Variants in SLC35F1 observed in about 807,000 individuals in gnomAD.
SLC35F1 encodes solute carrier family 35 member F1, also known as chromosome 6 open reading frame 169.
SLC35F1 carries 14 observed loss-of-function variants against 48.7 expected under a neutral mutation model. That is an observed-to-expected ratio of 0.29 (90% confidence interval 0.19 to 0.45). The LOEUF is 0.45. Among genes scored for constraint, SLC35F1 ranks in the 20% least tolerant of loss-of-function variants. The pLI is 1.00. For missense variants in SLC35F1, 404 were observed against 500.0 expected (o/e 0.81, Z 1.83); for synonymous variants, 190 against 202.2 (o/e 0.94, Z 0.51).
chr6:118,009,633 A>G (rs1777219480), intron 1 of SLC35F1, among the ~76,000 whole-genome samples: 1 of 152,058 alleles, frequency 6.6e-6, no homozygotes, highest in South Asian at 2.1e-4. Flanking sequence ...TACACATCCA[A>G]TCATCTTTTG....
intron 7 of SLC35F1, 131 bp from the exon 8 acceptor site, chr6:118,313,897 A>G: frequency 2.6e-6 from 2 of 756,562 alleles, no homozygotes; most frequent in Non-Finnish European, 2.2e-6. Context: ...TTCTCCATCA[A>G]CGGTGTTGGC....
chr6:117,907,523 A>C lies in SLC35F1; in HGVS notation c.-204A>C. ...GCGGCACGGGCGCGAGGGTGCGCGC[A>C]CTGGGACTGGAGAGGAGTGAGTGGC... is the stretch of plus-strand genomic sequence containing the variant. On this transcript the variant is annotated 5_prime_UTR_variant, in exon 1 of 8. Coordinates refer to ENST00000360388, the MANE Select transcript of SLC35F1 (RefSeq NM_001029858.4). 1 of 289,186 alleles carries C rather than the reference A, an allele frequency of 3.5e-6. No individual in the cohort carries two copies. The allele number at this position is 289,186 out of a possible 1,614,324, so 17.9% of individuals were successfully genotyped here.
chr6:118,246,597 G>A lies in SLC35F1; in HGVS notation c.477+10961G>A, dbSNP rs186822161. 6.0e-4 allele frequency among the ~76,000 whole-genome samples: 92 copies of A among 152,152 alleles called. No homozygotes were observed. In the South Asian group the frequency reaches 0.012, roughly 19 times the overall value. On this transcript the variant is annotated intron_variant, in intron 3 of 7. Coordinates refer to ENST00000360388, the MANE Select transcript of SLC35F1 (RefSeq NM_001029858.4). ...CATGAATCTGACGATAAAGCAGGCC[G>A]CTTGGTTCTCTGGTCATTTTCAGCT... is the stretch of plus-strand genomic sequence containing the variant.
Position 118,200,097 on chromosome 6 carries a change from A to G in SLC35F1, c.350-35412A>G, listed in dbSNP as rs537374534. ...TACCAAATTGCCCTTCAGAGAGATT[A>G]TACCATTCACACTCTCACCAGCAGC... On this transcript the variant is annotated intron_variant, in intron 2 of 7. Coordinates refer to ENST00000360388, the MANE Select transcript of SLC35F1 (RefSeq NM_001029858.4). Among the ~76,000 whole-genome samples the G allele has an allele frequency of 3.0e-4, 45 of 152,240 alleles. No homozygotes were observed. In the South Asian group the frequency reaches 8.1e-3, roughly 27 times the overall value.
intron 1 of SLC35F1, among the ~76,000 whole-genome samples, chr6:118,003,459 C>G (rs1197230212): frequency 1.3e-5 from 2 of 152,126 alleles, no homozygotes; most frequent in Admixed American, 1.3e-4. Flanking sequence ...TCGGATGGGT[C>G]ACATCAATGA....
At chr6:118,234,842 A>G (rs2114582516) in intron 2 of SLC35F1, among the ~76,000 whole-genome samples, 1 of 151,570 alleles carries the variant, frequency 6.6e-6, no homozygotes, top group South Asian at 2.1e-4. Context: ...AAAAATAAGA[A>G]TGAAGAACTA....
At chr6:117,980,893 T>C (rs1450993790) in intron 1 of SLC35F1, among the ~76,000 whole-genome samples, 1 of 152,116 alleles carries the variant, frequency 6.6e-6, no homozygotes, top group Non-Finnish European at 1.5e-5. Flanking sequence ...TTTAGAGTTA[T>C]CCTGTGGCAA....
chr6:118,232,780 A>G (rs1775310808), intron 2 of SLC35F1, among the ~76,000 whole-genome samples: 1 of 152,070 alleles, frequency 6.6e-6, no homozygotes. Context: ...TTTGGTATGA[A>G]GAGTCTTCAC....
At chr6:118,239,082 C>A (rs1775403775) in intron 3 of SLC35F1, among the ~76,000 whole-genome samples, 1 of 151,604 alleles carries the variant, frequency 6.6e-6, no homozygotes, top group South Asian at 2.1e-4. Flanking sequence ...TCTCTCGTCT[C>A]CCGAGGTGCT....
intron 1 of SLC35F1, among the ~76,000 whole-genome samples, chr6:118,085,572 A>G (rs1380578870): frequency 8.1e-6 from 1 of 123,108 alleles, no homozygotes. Context: ...ATCTTGGCTC[A>G]CTGCAACCTT....
chr6:118,218,041 A>G (rs1351040495), intron 2 of SLC35F1, among the ~76,000 whole-genome samples: 2 of 152,192 alleles, frequency 1.3e-5, no homozygotes, highest in Non-Finnish European at 1.5e-5. Context: ...CCTGATCTTC[A>G]TTCCAAAGTA....
At chr6:117,930,998 C>T (rs79320755) in intron 1 of SLC35F1, among the ~76,000 whole-genome samples, 2,185 of 152,144 alleles carry the variant, frequency 0.014, 44 homozygotes, top group African/African-American at 0.047. Flanking sequence ...GCCTCTATAC[C>T]CTTATCTGTC....
chr6:118,133,016 G>T (rs1773739022), intron 1 of SLC35F1, among the ~76,000 whole-genome samples: 1 of 152,164 alleles, frequency 6.6e-6, no homozygotes, highest in African/African-American at 2.4e-5. Flanking sequence ...TTGACAGCTG[G>T]CTCTATATGC....
intron 1 of SLC35F1, among the ~76,000 whole-genome samples, chr6:118,076,178 A>G (rs778990192): frequency 8.5e-5 from 13 of 152,232 alleles, no homozygotes; most frequent in Non-Finnish European, 1.6e-4. Flanking sequence ...TGATTGTTAG[A>G]ATACTTTTCT....
chr6:118,265,074 A>C (rs1042027692), intron 3 of SLC35F1, among the ~76,000 whole-genome samples: 5 of 152,214 alleles, frequency 3.3e-5, no homozygotes, highest in Admixed American at 3.3e-4. Flanking sequence ...CCTCAGGGAT[A>C]GCTTACTATT....
intron 1 of SLC35F1, among the ~76,000 whole-genome samples, chr6:118,075,899 G>T (rs1772810463): frequency 6.6e-6 from 1 of 151,996 alleles, no homozygotes; most frequent in African/African-American, 2.4e-5. Flanking sequence ...ATTAAAAATG[G>T]GCTTTTCTTC....
intron 1 of SLC35F1, among the ~76,000 whole-genome samples, chr6:117,935,070 G>A (rs1455030969): frequency 1.3e-5 from 2 of 152,152 alleles, no homozygotes; most frequent in African/African-American, 4.8e-5. Context: ...TCACACCATT[G>A]CACTCCAGCT....
chr6:118,299,185 C>T (rs777732971), intron 7 of SLC35F1, among the ~76,000 whole-genome samples: 1 of 152,144 alleles, frequency 6.6e-6, no homozygotes, highest in Non-Finnish European at 1.5e-5. Context: ...ATCTCAAAAA[C>T]AAACAAACAA....
At chr6:118,187,748 T>A (rs1774679458) in intron 2 of SLC35F1, among the ~76,000 whole-genome samples, 1 of 152,222 alleles carries the variant, frequency 6.6e-6, no homozygotes, top group East Asian at 1.9e-4. Context: ...TTCTCTTGAC[T>A]GTGAGAGTTA....
Sources: allele counts gnomAD v4.1 joint callset (sites outside exome capture counted in the v4.1 genomes callset), GRCh38; gene constraint gnomAD v4.1.1; transcripts MANE v1.5; gene names NCBI Gene and HGNC (gene_info 2026-07-23, HGNC 2026-07-21).